The following DYNC1H1 variants were observed in gnomAD, a reference collection of about 807,000 sequenced individuals.
The protein encoded by DYNC1H1 is dynein cytoplasmic 1 heavy chain 1.
A neutral mutation model predicts 527.1 loss-of-function variants in DYNC1H1; 51 were observed. The observed-to-expected ratio is 0.10, with a 90% CI of 0.08 to 0.12. DYNC1H1 has a LOEUF of 0.12. Among genes scored for constraint, DYNC1H1 ranks in the 10% least tolerant of loss-of-function variants. The pLI is 1.00. For missense variants in DYNC1H1, 2,771 were observed against 5,971.8 expected, an observed-to-expected ratio of 0.46 and a Z score of 17.66; for synonymous variants, 2,189 against 2,278.8, an observed-to-expected ratio of 0.96 and a Z score of 1.12.
Position 102,034,307 on chromosome 14 carries a change from A to G in DYNC1H1, c.10627-18A>G, listed in dbSNP as rs1304768657. 4 of 1,614,262 alleles carry G rather than the reference A, an allele frequency of 2.5e-6. No individual in the cohort carries two copies. The highest frequency in any genetic ancestry group is 3.3e-4 in the Middle Eastern group (2 of 6,062). On this transcript the variant is annotated intron_variant, in intron 55 of 77. Coordinates refer to ENST00000360184, the MANE Select transcript of DYNC1H1 (RefSeq NM_001376.5). ...TGTGGCTGTGAAGAGGAGGAAAGGT[A>G]ACGGCCTTGCCTTTCAGTTCCGTAC... is the stretch of plus-strand genomic sequence containing the variant.
intron 43 of DYNC1H1, among the ~76,000 whole-genome samples, chr14:102,025,402 C>G (rs2048437090): frequency 6.9e-6 from 1 of 145,876 alleles, no homozygotes; most frequent in Non-Finnish European, 1.5e-5. Context: ...GAGACTCTGT[C>G]TCAAAAAAAA....
At position 101,964,769 on chromosome 14, in the gene DYNC1H1, C is replaced by T. The variant is rs760083766; in HGVS notation, c.78C>T (p.Asp26=). The T allele has an allele frequency of 2.7e-5, 43 of 1,599,848 alleles. No homozygotes were observed. Among genetic ancestry groups the T allele is most frequent in the Admixed American group, 6.8e-5 (4 of 59,012 alleles). ...TGTCGGCCGTGCAGAATGTGGCGGA[C>T]GTGTCGGTGCTGCAGAAGCACCTGC... ...LEVSAVQNVA[D]VSVLQKHLRK... is the part of the protein sequence containing the mutation. Residue 26 remains aspartate, a synonymous_variant, in exon 1 of 78, where the codon GAC becomes GAT. Transcript: ENST00000360184. The surrounding 1 kb of genome is among the most constrained non-coding windows in gnomAD (Gnocchi z 5.5).
rs989119007 is a variant in DYNC1H1 at position 102,042,158 on chromosome 14, C to T, written c.12214+34C>T. On this transcript the variant is annotated intron_variant, in intron 66 of 77. Transcript: ENST00000360184. The surrounding 1 kb of genome is among the most constrained non-coding windows in gnomAD (Gnocchi z 5.7). ...GCTTGAGGGGCTTCATGGGCTGGAG[C>T]CCTGCAGGATTTGTGGTGGGCATTG... The T allele has an allele frequency of 1.1e-5, 17 of 1,613,750 alleles. No individual in the cohort carries two copies. The highest frequency in any genetic ancestry group is 2.7e-5 in the African/African-American group (2 of 74,858).
chr14:102,012,670 G>A lies in DYNC1H1; in HGVS notation c.7014+200G>A. The A allele has an allele frequency of 7.5e-6, 5 of 665,992 alleles. No homozygotes were observed. Among genetic ancestry groups the A allele is most frequent in the African/African-American group, 1.8e-5 (1 of 55,314 alleles). The allele number at this position is 665,992 out of a possible 1,614,324, so 41.3% of individuals were successfully genotyped here. On this transcript the variant is annotated intron_variant, in intron 34 of 77. Transcript: ENST00000360184. The surrounding 1 kb of genome is among the most constrained non-coding windows in gnomAD (Gnocchi z 4.9). ...TGGCTAGTGAGAAACATTTTAATAG[G>A]TTTTATTGATGGCTTTCTATCATTT...
At chr14:102,008,120 G>A in intron 28 of DYNC1H1, 58 bp from the exon 29 acceptor site, 3 of 1,608,440 alleles carry the variant, frequency 1.9e-6, no homozygotes, top group Non-Finnish European at 2.5e-6. Context: ...CAAGGGAGAG[G>A]GGAGACAATT....
At chr14:102,034,766 A>T in intron 56 of DYNC1H1, 2 of 433,202 alleles carry the variant, frequency 4.6e-6, no homozygotes, top group Non-Finnish European at 8.6e-6. Context: ...TCTACTAAAA[A>T]TACAAAAAAA....
Position 102,038,416 on chromosome 14 carries a change from G to A in DYNC1H1, c.10909-44G>A, listed in dbSNP as rs758345333. 9.3e-6 allele frequency: 15 copies of A among 1,611,584 alleles called. No homozygotes were observed. Among genetic ancestry groups the A allele is most frequent in the Non-Finnish European group, 1.2e-5 (14 of 1,179,940 alleles). On this transcript the variant is annotated intron_variant, in intron 57 of 77. Transcript: ENST00000360184. This position sits in a 1 kb window ranked among gnomAD's most constrained non-coding sequence, Gnocchi z 7.2. ...AACATAGCATTTGGGTGAAGATAAAGTTACAAAGCCCTGACCATCAAGTTC... is the reference window on the plus strand; with the variant it reads ...AACATAGCATTTGGGTGAAGATAAAATTACAAAGCCCTGACCATCAAGTTC...
intron 9 of DYNC1H1, 137 bp from the exon 10 acceptor site, chr14:101,988,566 C>A: frequency 1.8e-6 from 2 of 1,124,326 alleles, no homozygotes; most frequent in South Asian, 1.3e-5. Context: ...AAGTGAGATT[C>A]TGAGAAGAGA....
intron 28 of DYNC1H1, 42 bp downstream of exon 28, chr14:102,007,150 C>A: frequency 6.3e-7 from 1 of 1,597,018 alleles, no homozygotes; most frequent in East Asian, 2.2e-5. Flanking sequence ...TAATGCCCTG[C>A]AGGGATCATT....
At chr14:102,047,695 G>GCTGCAGTT in intron 72 of DYNC1H1, 122 bp from the exon 73 acceptor site, 1 of 942,798 alleles carries the variant, frequency 1.1e-6, no homozygotes. Context: ...TCCAGATTTT[G>GCTGCAGTT]CTGCAGTTCC....
At chr14:102,040,190 G>A (rs1461968000) in intron 62 of DYNC1H1, 46 bp from the exon 63 acceptor site, 4 of 1,609,466 alleles carry the variant, frequency 2.5e-6, no homozygotes, top group Non-Finnish European at 3.4e-6. Context: ...AGTGACAGTG[G>A]GAGTGAACGT....
In DYNC1H1 at chr14:102,016,749, T is replaced by A; in HGVS notation, c.7615-17T>A. 6.2e-7 allele frequency: 1 copy of A among 1,612,418 alleles called. No individual in the cohort carries two copies. Among genetic ancestry groups the A allele is most frequent in the Non-Finnish European group, 8.5e-7 (1 of 1,179,440 alleles). On this transcript the variant is annotated splice_polypyrimidine_tract_variant and intron_variant, in intron 37 of 77. Coordinates refer to ENST00000360184, the MANE Select transcript of DYNC1H1 (RefSeq NM_001376.5). This position sits in a 1 kb window ranked among gnomAD's most constrained non-coding sequence, Gnocchi z 7.3. ...CCTTGGTTGCAGCCGGACTCACACTTCCATCTCCGTGTGTAGGTGTCCATC... is the reference window on the plus strand; with the variant it reads ...CCTTGGTTGCAGCCGGACTCACACTACCATCTCCGTGTGTAGGTGTCCATC...
intron 11 of DYNC1H1, among the ~76,000 whole-genome samples, chr14:101,993,594 T>A (rs569127272): frequency 1.3e-5 from 2 of 152,302 alleles, no homozygotes; most frequent in African/African-American, 4.8e-5. Context: ...CCTTCACATT[T>A]GTTGATCTCA....
In DYNC1H1 at chr14:102,033,843, G is replaced by A. The variant is rs999188490; in HGVS notation, c.10414-133G>A. On this transcript the variant is annotated intron_variant, in intron 54 of 77. Transcript: ENST00000360184. The surrounding 1 kb of genome is among the most constrained non-coding windows in gnomAD (Gnocchi z 5.6). Reference sequence around the variant, plus strand: ...ATGATCTGGGTCTCATCTCCTCTGGGACTGTGAACAACTTGGGCACGTTTC... The same window carrying A: ...ATGATCTGGGTCTCATCTCCTCTGGAACTGTGAACAACTTGGGCACGTTTC... The A allele has an allele frequency of 7.5e-6, 7 of 930,320 alleles. No individual in the cohort carries two copies. The African/African-American group carries it at 1.1e-4, about 15-fold the overall frequency. The allele number at this position is 930,320 out of a possible 1,614,324, so 57.6% of individuals were successfully genotyped here.
In DYNC1H1 at chr14:101,988,720, C is replaced by T. The variant is rs201391933; in HGVS notation, c.2736C>T (p.Gly912=). Residue 912 remains glycine, a synonymous_variant, in exon 10 of 78, where the codon GGC becomes GGT. Coordinates refer to ENST00000360184, the MANE Select transcript of DYNC1H1 (RefSeq NM_001376.5). ...KLDMEIERIL[G]VRLQAGLRAW... ...GTCTGTAGATTGAAAGAATATTGGG[C>T]GTCCGTCTGCAAGCTGGCCTGAGAG... The T allele has an allele frequency of 5.6e-6, 9 of 1,613,990 alleles. No individual in the cohort carries two copies. Among genetic ancestry groups the T allele is most frequent in the East Asian group, 2.2e-5 (1 of 44,888 alleles).
At chr14:102,034,589 C>T (rs2048549422) in intron 56 of DYNC1H1, 137 bp downstream of exon 56, 2 of 1,391,604 alleles carry the variant, frequency 1.4e-6, no homozygotes, top group East Asian at 4.6e-5. Flanking sequence ...CTTGGTGCTC[C>T]TCTGATGGTG....
chr14:102,055,288 C>G lies in DYNC1H1; in HGVS notation c.*4725C>G, dbSNP rs1292423722. 1 of 152,368 alleles carries G rather than the reference C, an allele frequency of 6.6e-6. No individual in the cohort carries two copies. The highest frequency in any genetic ancestry group is 1.5e-5 in the Non-Finnish European group (1 of 68,182). 9.4% of individuals were successfully genotyped at this position (152,368 alleles called of 1,614,324 possible). The stretch of plus-strand genomic sequence containing the variant: ...CTGCTCCTCCTGCATCAGCGCCCCA[C>G]CCAACAGAGCCGACCAGGCTGGGAA... On this transcript the variant is annotated 3_prime_UTR_variant, in exon 78 of 78. Coordinates refer to ENST00000360184, the MANE Select transcript of DYNC1H1 (RefSeq NM_001376.5).
intron 48 of DYNC1H1, 82 bp downstream of exon 48, chr14:102,028,223 A>G: frequency 6.6e-7 from 1 of 1,522,940 alleles, no homozygotes; most frequent in Non-Finnish European, 9.0e-7. Context: ...ATAAAAATAG[A>G]CCTTAAGGCC....
rs1238945910 is a variant in DYNC1H1 at position 102,051,491 on chromosome 14, G to C, written c.*928G>C. ...GTTCTTGACCAGGGCCCCAGGACTT[G>C]GCTCCTCCAGACAAGGGAGTTTTGT... is the stretch of plus-strand genomic sequence containing the variant. On this transcript the variant is annotated 3_prime_UTR_variant, in exon 78 of 78. Coordinates refer to ENST00000360184, the MANE Select transcript of DYNC1H1 (RefSeq NM_001376.5). 1 of 152,096 alleles carries C rather than the reference G, an allele frequency of 6.6e-6. No homozygotes were observed. Among genetic ancestry groups the C allele is most frequent in the Non-Finnish European group, 1.5e-5 (1 of 68,158 alleles). 9.4% of individuals were successfully genotyped at this position (152,096 alleles called of 1,614,324 possible).
Sources: gnomAD v4.1 joint callset for allele counts (sites outside exome capture counted in the v4.1 genomes callset) on GRCh38, gnomAD v4.1.1 for gene constraint, Gnocchi (gnomAD v3.1) non-coding constraint, MANE v1.5 for transcripts, NCBI Gene and HGNC (gene_info 2026-07-23, HGNC 2026-07-21) for gene names.